The following DEF8 variants were observed in gnomAD, a reference collection of about 807,000 sequenced individuals.
DEF8 encodes DEF-8.
In DEF8, 38 loss-of-function variants were observed where a neutral mutation model predicts 59.1. The ratio of observed to expected loss-of-function variants is 0.64; its 90% CI spans 0.50 to 0.84. The LOEUF (loss-of-function observed/expected upper bound fraction) is 0.84, where lower values mean the gene tolerates loss of function less well. DEF8 is among the 40% of genes least tolerant of loss of function. The pLI is 0.00. For missense variants in DEF8, 557 were observed against 615.2 expected (o/e 0.91, Z 1.00); for synonymous variants, 265 against 250.1 (o/e 1.06, Z -0.56).
At chr16:89,964,362 A>G (rs56219904) in intron 11 of DEF8, 52 bp downstream of exon 11, 242,021 of 1,543,206 alleles carry the variant, frequency 0.16, 26,826 homozygotes, top group East Asian at 0.59. Flanking sequence ...CTGAGGGGGG[A>G]TTGGCAGGAG....
chr16:89,957,765 C>G (rs1567795523), intron 5 of DEF8, 105 bp downstream of exon 5: 3 of 1,351,458 alleles, frequency 2.2e-6, no homozygotes, highest in Non-Finnish European at 3.0e-6. Context: ...GCGGTGGTCT[C>G]TCTCTCGGCC....
chr16:89,950,170 A>T, intron 2 of DEF8: 1 of 986,718 alleles, frequency 1.0e-6, no homozygotes, highest in Non-Finnish European at 1.2e-6. Flanking sequence ...TTTAAACACC[A>T]GGAGGTTTCC....
At chr16:89,955,833 G>C (rs1191827085) in intron 4 of DEF8, among the ~76,000 whole-genome samples, 1 of 152,208 alleles carries the variant, frequency 6.6e-6, no homozygotes, top group African/African-American at 2.4e-5. Context: ...AGCACTTTGG[G>C]AGGCTGAGGC....
intron 4 of DEF8, 86 bp downstream of exon 4, chr16:89,955,352 G>C (rs2032981930): frequency 5.3e-6 from 6 of 1,137,278 alleles, no homozygotes; most frequent in African/African-American, 1.5e-5. Context: ...CTCCCTCCCA[G>C]GTGGCAGGGC....
chr16:89,957,441 G>C, intron 4 of DEF8, 70 bp from the exon 5 acceptor site: 1 of 1,493,210 alleles, frequency 6.7e-7, no homozygotes, highest in Non-Finnish European at 9.0e-7. Context: ...GGCCTGTCTC[G>C]GCGGATGGGC....
At chr16:89,951,257 T>C (rs1182792212) in intron 2 of DEF8, among the ~76,000 whole-genome samples, 1 of 151,938 alleles carries the variant, frequency 6.6e-6, no homozygotes, top group African/African-American at 2.4e-5. Context: ...GTCAGAATCT[T>C]TTCTTTTTTT....
chr16:89,957,772 G>A lies in DEF8; in HGVS notation c.372+112G>A, dbSNP rs1347384054. The A allele has an allele frequency of 1.9e-5, 24 of 1,291,942 alleles. No individual in the cohort carries two copies. The South Asian group carries it at 2.2e-4, about 12-fold the overall frequency. The allele number at this position is 1,291,942 out of a possible 1,614,324, so 80.0% of individuals were successfully genotyped here. ...TCTCTCAGGCGGTGGTCTCTCTCTC[G>A]GCCTCAGGGGCTGAGGTAGAAGGGC... On this transcript the variant is annotated intron_variant, in intron 5 of 12. Coordinates refer to ENST00000563594, the MANE Select transcript of DEF8 (RefSeq NM_001242818.2).
Position 89,964,303 on chromosome 16 carries a change from A to G in DEF8, c.1136A>G (p.Asp379Gly). The G allele has an allele frequency of 1.3e-6, 2 of 1,589,154 alleles. No homozygotes were observed. The highest frequency in any genetic ancestry group is 1.7e-6 in the Non-Finnish European group (2 of 1,167,704). Reference sequence around the variant, plus strand: ...CTCTTCGCCAAGCACATCAAGCTGGACTGCGAGGTGGGCCTCTGCCCGAGG... The same window carrying G: ...CTCTTCGCCAAGCACATCAAGCTGGGCTGCGAGGTGGGCCTCTGCCCGAGG... ...HTLFAKHIKLDCERCQAKGFV... is the reference protein window; with the variant it reads ...HTLFAKHIKLGCERCQAKGFV... The change falls in exon 11 of 13, where the codon GAC (aspartate) becomes GGC (glycine). Residue 379 changes from aspartate (D) to glycine (G), a missense_variant. Physicochemically the swap from Asp to Gly is moderately conservative, Grantham distance 94. Transcript: ENST00000563594.
chr16:89,957,913 A>G (rs1012234102), intron 5 of DEF8: 1 of 349,138 alleles, frequency 2.9e-6, no homozygotes, highest in African/African-American at 2.1e-5. Context: ...TTAAGCCAAA[A>G]AGAAAAATGT....
Position 89,967,634 on chromosome 16 carries a change from A to G in DEF8, c.*1671A>G, listed in dbSNP as rs1484975831. ...CCTCTTTGGGGCTGAGGAGGAGGTTAAAGGCCAAATGCTGTTTCCCAACAC... is the reference window on the plus strand; with the variant it reads ...CCTCTTTGGGGCTGAGGAGGAGGTTGAAGGCCAAATGCTGTTTCCCAACAC... On this transcript the variant is annotated 3_prime_UTR_variant, in exon 13 of 13. Transcript: ENST00000563594. The G allele has an allele frequency of 4.3e-5, 17 of 396,970 alleles. No individual in the cohort carries two copies. The highest frequency in any genetic ancestry group is 7.1e-5 in the Non-Finnish European group (16 of 225,670). 24.6% of individuals were successfully genotyped at this position (396,970 alleles called of 1,614,324 possible).
At position 89,949,425 on chromosome 16, in the gene DEF8, G is replaced by A; in HGVS notation, c.-99G>A. 6.2e-7 allele frequency: 1 copy of A among 1,605,772 alleles called. No homozygotes were observed. The highest frequency in any genetic ancestry group is 8.5e-7 in the Non-Finnish European group (1 of 1,178,130). On this transcript the variant is annotated 5_prime_UTR_variant, in exon 2 of 13. Coordinates refer to ENST00000563594, the MANE Select transcript of DEF8 (RefSeq NM_001242818.2). ...GTGGCTTCTCCCTGCAGCAGGTGCC[G>A]AACCCACGGCCAGGCTTCCGTGGCC... is the stretch of plus-strand genomic sequence containing the variant.
chr16:89,963,202 C>A (rs1435326961), intron 9 of DEF8, among the ~76,000 whole-genome samples, 161 bp from the exon 10 acceptor site: 4 of 152,222 alleles, frequency 2.6e-5, no homozygotes, highest in Admixed American at 1.3e-4. Flanking sequence ...CCTGCCCAGC[C>A]TGGGAGCTGT....
At chr16:89,964,788 G>A (rs772464034) in intron 12 of DEF8, among the ~76,000 whole-genome samples, 22 of 152,148 alleles carry the variant, frequency 1.4e-4, no homozygotes, top group Admixed American at 2.6e-4. Flanking sequence ...CCTTAGGAGC[G>A]GCACCTGGGG....
At chr16:89,958,986 G>A (rs2033656248) in intron 5 of DEF8, 28 bp from the exon 6 acceptor site, 1 of 1,605,406 alleles carries the variant, frequency 6.2e-7, no homozygotes. Context: ...GCTCACCTGT[G>A]ACCCCCTCCC....
chr16:89,963,029 C>T (rs1031453218), intron 9 of DEF8, among the ~76,000 whole-genome samples: 5 of 152,260 alleles, frequency 3.3e-5, no homozygotes, highest in Admixed American at 2.6e-4. Context: ...TGTGGCAGCA[C>T]GTTGAGTTGC....
In DEF8 at chr16:89,967,418, C is replaced by T. The variant is rs2034659425; in HGVS notation, c.*1455C>T. ...CCGGCATCAGGAAGGGGATGGTGTC[C>T]ACTCCCCACTGTGGTGGCTTTAGGC... On this transcript the variant is annotated 3_prime_UTR_variant, in exon 13 of 13. Coordinates refer to ENST00000563594, the MANE Select transcript of DEF8 (RefSeq NM_001242818.2). 1 of 398,674 alleles carries T rather than the reference C, an allele frequency of 2.5e-6. No individual in the cohort carries two copies. The highest frequency in any genetic ancestry group is 4.4e-6 in the Non-Finnish European group (1 of 226,086). The allele number at this position is 398,674 out of a possible 1,614,324, so 24.7% of individuals were successfully genotyped here.
intron 2 of DEF8, among the ~76,000 whole-genome samples, chr16:89,951,352 C>G (rs972230836): frequency 3.9e-5 from 6 of 151,924 alleles, no homozygotes; most frequent in African/African-American, 1.5e-4. Context: ...TCAAGCGATT[C>G]TCCTGCCTCA....
rs781419668 is a variant in DEF8, at chr16:89,959,005, C to A, written c.373-9C>A. On this transcript the variant is annotated splice_polypyrimidine_tract_variant and intron_variant, in intron 5 of 12. Transcript: ENST00000563594. Reference sequence around the variant, plus strand: ...ACCTGTGACCCCCTCCCTGACTCACCCTCTGCAGGACCCCAATGAGGATGA... The same window carrying A: ...ACCTGTGACCCCCTCCCTGACTCACACTCTGCAGGACCCCAATGAGGATGA... 1.9e-6 allele frequency: 3 copies of A among 1,609,844 alleles called. No homozygotes were observed. Among genetic ancestry groups the A allele is most frequent in the South Asian group, 2.2e-5 (2 of 91,020 alleles).
chr16:89,964,458 C>A lies in DEF8; in HGVS notation c.1144-8C>A, dbSNP rs1188104243. On this transcript the variant is annotated splice_region_variant and splice_polypyrimidine_tract_variant and intron_variant, in intron 11 of 12. Coordinates refer to ENST00000563594, the MANE Select transcript of DEF8 (RefSeq NM_001242818.2). ...GCCCGTGCCCCAACCCCACACTGTT[C>A]CCCCCAGCGGTGCCAGGCCAAGGGC... is the stretch of plus-strand genomic sequence containing the variant. The A allele has an allele frequency of 1.3e-6, 2 of 1,580,620 alleles. No homozygotes were observed. The highest frequency in any genetic ancestry group is 8.6e-7 in the Non-Finnish European group (1 of 1,163,866).
Sources: gnomAD v4.1 joint callset for allele counts (sites outside exome capture counted in the v4.1 genomes callset) on GRCh38, gnomAD v4.1.1 for gene constraint, MANE v1.5 for transcripts, NCBI Gene and HGNC (gene_info 2026-07-23, HGNC 2026-07-21) for gene names.